HCN1: variants seen among roughly 807,000 people sequenced by gnomAD.
HCN1 encodes the protein hyperpolarization activated cyclic nucleotide gated potassium channel 1, also known as potassium/sodium hyperpolarization-activated cyclic nucleotide-gated channel 1.
Under a neutral mutation model 78.9 loss-of-function variants are expected in HCN1, and 13 were observed. That is an observed-to-expected ratio of 0.16 (90% confidence interval 0.11 to 0.26). The LOEUF (loss-of-function observed/expected upper bound fraction) is 0.26, where lower values mean the gene tolerates loss of function less well. Ranked by LOEUF, HCN1 falls within the 10% of genes least tolerant of loss-of-function variation. HCN1 has a pLI of 1.00. For missense variants in HCN1, 810 were observed against 1,154.3 expected, an observed-to-expected ratio of 0.70 and a Z score of 4.32; for synonymous variants, 552 against 455.5, an observed-to-expected ratio of 1.21 and a Z score of -2.70.
At chr5:45,401,516 T>C (rs1739803719) in intron 3 of HCN1, among the ~76,000 whole-genome samples, 1 of 152,126 alleles carries the variant, frequency 6.6e-6, no homozygotes, top group Non-Finnish European at 1.5e-5. Flanking sequence ...ATTAAATCTG[T>C]AAGTTCCTTG....
intron 6 of HCN1, among the ~76,000 whole-genome samples, chr5:45,296,007 A>AT (rs1044649634): frequency 1.1e-4 from 16 of 152,030 alleles, no homozygotes; most frequent in South Asian, 1.0e-3. Flanking sequence ...ATGTAAACTT[A>AT]TTTTTTCTGT....
At chr5:45,566,501 C>A (rs765565909) in intron 2 of HCN1, among the ~76,000 whole-genome samples, 7 of 150,974 alleles carry the variant, frequency 4.6e-5, no homozygotes, top group African/African-American at 1.7e-4. Flanking sequence ...TCATTTAATG[C>A]CTCATATCAA....
chr5:45,496,369 A>G (rs1742030187), intron 2 of HCN1, among the ~76,000 whole-genome samples: 1 of 150,694 alleles, frequency 6.6e-6, no homozygotes, highest in African/African-American at 2.4e-5. Flanking sequence ...TTTCTTCTAG[A>G]TTTTCTAGTT....
rs1250922747 is a variant in HCN1, at chr5:45,645,545, T to C, written c.489A>G (p.Gly163=). The C allele has an allele frequency of 1.2e-6, 2 of 1,611,498 alleles. No homozygotes were observed. Among genetic ancestry groups the C allele is most frequent in the East Asian group, 2.2e-5 (1 of 44,818 alleles). ...TTGTTTGCTCTGTAAAGAATGTGAT[T>C]CCAACTGGTATGATGACTAGATTTC... The part of the protein sequence containing the change: ...MVGNLVIIPV[G]ITFFTEQTTT... Residue 163 remains glycine, a synonymous_variant, in exon 2 of 8, where the codon GGA becomes GGG. Coordinates refer to ENST00000303230, the MANE Select transcript of HCN1 (RefSeq NM_021072.4).
intron 3 of HCN1, among the ~76,000 whole-genome samples, chr5:45,414,175 T>C (rs1740075387): frequency 6.6e-6 from 1 of 152,006 alleles, no homozygotes; most frequent in South Asian, 2.1e-4. Context: ...CTCAATAGAC[T>C]AAGCAGGAGA....
chr5:45,473,854 T>A (rs1741459231), intron 2 of HCN1, among the ~76,000 whole-genome samples: 1 of 151,852 alleles, frequency 6.6e-6, no homozygotes, highest in Non-Finnish European at 1.5e-5. Context: ...ATCTGTCATC[T>A]GAAAACATCC....
intron 4 of HCN1, among the ~76,000 whole-genome samples, chr5:45,369,879 T>C (rs1253589058): frequency 2.0e-5 from 3 of 152,058 alleles, no homozygotes; most frequent in Non-Finnish European, 4.4e-5. Context: ...AGAGAACCTC[T>C]AGGAATAAAT....
intron 3 of HCN1, among the ~76,000 whole-genome samples, chr5:45,436,125 G>A (rs756133969): frequency 2.0e-5 from 3 of 152,164 alleles, no homozygotes; most frequent in African/African-American, 4.8e-5. Flanking sequence ...GACAGCACTT[G>A]TGTGCAATCT....
At chr5:45,678,040 CAG>C (rs1739623117) in intron 1 of HCN1, among the ~76,000 whole-genome samples, 1 of 149,696 alleles carries the variant, frequency 6.7e-6, no homozygotes, top group South Asian at 2.1e-4. Context: ...TAACGTTAAA[CAG>C]AAAAGTTTTA....
At chr5:45,276,936 G>T (rs940417222) in intron 6 of HCN1, among the ~76,000 whole-genome samples, 2 of 152,020 alleles carry the variant, frequency 1.3e-5, no homozygotes, top group African/African-American at 4.8e-5. Context: ...TCATGATACA[G>T]GTTCAAAGAA....
At chr5:45,667,497 T>C (rs1285032377) in intron 1 of HCN1, among the ~76,000 whole-genome samples, 1 of 151,974 alleles carries the variant, frequency 6.6e-6, no homozygotes, top group East Asian at 1.9e-4. Flanking sequence ...AAGTAATGAG[T>C]TGAAAAACAT....
intron 5 of HCN1, among the ~76,000 whole-genome samples, chr5:45,319,473 G>T (rs1746076325): frequency 6.6e-6 from 1 of 151,696 alleles, no homozygotes; most frequent in South Asian, 2.1e-4. Context: ...TCCTCATTAT[G>T]CACATTTTCC....
intron 3 of HCN1, among the ~76,000 whole-genome samples, chr5:45,458,027 T>C (rs1213496582): frequency 6.6e-6 from 1 of 152,072 alleles, no homozygotes; most frequent in Non-Finnish European, 1.5e-5. Flanking sequence ...ATAAAAACTT[T>C]AATGAGGAAT....
chr5:45,353,374 A>G (rs1746950521), intron 4 of HCN1, 128 bp from the exon 5 acceptor site: 1 of 708,364 alleles, frequency 1.4e-6, no homozygotes, highest in Admixed American at 2.5e-5. Context: ...ATCCTTTAAG[A>G]TGAAGGAACT....
intron 2 of HCN1, among the ~76,000 whole-genome samples, chr5:45,631,025 G>T (rs991698371): frequency 2.0e-5 from 3 of 152,054 alleles, no homozygotes; most frequent in Non-Finnish European, 2.9e-5. Flanking sequence ...GACCTCATTA[G>T]CTAGCTAGAT....
At chr5:45,440,380 G>A (rs1740646776) in intron 3 of HCN1, among the ~76,000 whole-genome samples, 1 of 152,004 alleles carries the variant, frequency 6.6e-6, no homozygotes, top group Admixed American at 6.6e-5. Flanking sequence ...TTCCCCCCTA[G>A]AATAACATTA....
intron 2 of HCN1, among the ~76,000 whole-genome samples, chr5:45,468,891 C>A (rs946885243): frequency 6.6e-6 from 1 of 151,940 alleles, no homozygotes; most frequent in South Asian, 2.1e-4. Flanking sequence ...AGAAGTTATT[C>A]AACTAACAAA....
At chr5:45,280,932 G>A (rs1325582042) in intron 6 of HCN1, among the ~76,000 whole-genome samples, 1 of 151,658 alleles carries the variant, frequency 6.6e-6, no homozygotes, top group Non-Finnish European at 1.5e-5. Context: ...TCAAGTGTCA[G>A]GTAACTCCAG....
At chr5:45,564,775 T>A (rs1743674004) in intron 2 of HCN1, among the ~76,000 whole-genome samples, 1 of 152,108 alleles carries the variant, frequency 6.6e-6, no homozygotes, top group Admixed American at 6.5e-5. Context: ...AAAGGAATAA[T>A]CGCAAATAAA....
Sources: allele counts gnomAD v4.1 joint callset (sites outside exome capture counted in the v4.1 genomes callset), GRCh38; gene constraint gnomAD v4.1.1; transcripts MANE v1.5; gene names NCBI Gene and HGNC (gene_info 2026-07-23, HGNC 2026-07-21).